Variants in INTS11 observed in about 807,000 individuals in gnomAD.
INTS11 encodes the protein integrator complex subunit 11.
In INTS11, 77 loss-of-function variants were observed where a neutral mutation model predicts 78.6. The observed-to-expected ratio is 0.98, with a 90% CI of 0.81 to 1.18. INTS11 has a LOEUF of 1.18. Among genes scored for constraint, INTS11 ranks in the 50% most tolerant of loss-of-function variants. The pLI is 0.00. For synonymous variants in INTS11, 441 were observed against 326.9 expected, an observed-to-expected ratio of 1.35 and a Z score of -3.77; for missense variants, 875 against 825.9, an observed-to-expected ratio of 1.06 and a Z score of -0.73.
chr1:1,313,379 C>A, intron 10 of INTS11, 130 bp downstream of exon 10: 3 of 1,089,210 alleles, frequency 2.8e-6, no homozygotes, highest in Admixed American at 4.0e-5. Context: ...CGCCCCCGTT[C>A]CCCAGCAGCA....
chr1:1,323,227 G>A lies in INTS11; in HGVS notation c.28+1354C>T, dbSNP rs1174604740. 4 of 1,550,230 alleles carry A rather than the reference G, an allele frequency of 2.6e-6. No individual in the cohort carries two copies. The South Asian group carries it at 4.8e-5, about 18-fold the overall frequency. ...TCCCGTCCTGGTGTCTGTGCTGGAA[G>A]GTGCCCTCGACCCCCTGCCCGGTGG... On this transcript the variant is annotated intron_variant, in intron 1 of 16. Transcript: ENST00000435064.
Position 1,319,410 on chromosome 1 carries a change from C to A in INTS11, c.315G>T (p.Glu105Asp), listed in dbSNP as rs1557641072. The A allele has an allele frequency of 1.2e-6, 2 of 1,613,330 alleles. No homozygotes were observed. Among genetic ancestry groups the A allele is most frequent in the Non-Finnish European group, 1.7e-6 (2 of 1,179,976 alleles). The change falls in exon 4 of 17, where the codon GAG becomes GAT. Residue 105 changes from glutamate to aspartate, a missense_variant. Glu to Asp is a conservative substitution (Grantham distance 45). Transcript: ENST00000435064. Reference protein sequence around the residue: ...PTQAICPILLEDYRKIAVDKK... With the variant: ...PTQAICPILLDDYRKIAVDKK... ...TGTCTACGGCGATCTTGCGGTAGTC[C>A]TCCAGCAAGATGGGGCAGATGGCCT...
In INTS11 at chr1:1,312,149, T is replaced by A. The variant is rs372959391; in HGVS notation, c.1608-2A>T. The A allele has an allele frequency of 6.8e-5, 101 of 1,476,290 alleles. No homozygotes were observed. Among genetic ancestry groups the A allele is most frequent in the Middle Eastern group, 4.5e-4 (2 of 4,490 alleles). The allele number at this position is 1,476,290 out of a possible 1,614,324, so 91.4% of individuals were successfully genotyped here. A position where few individuals can be genotyped will look rare whatever the true frequency, so the allele number is the denominator to read the frequency against. Reference sequence around the variant, plus strand: ...TGCACACAGTGGTCCTTCAGGACGCTGTGGGGAGGCTCGGTGAGACCCTGC... The same window carrying A: ...TGCACACAGTGGTCCTTCAGGACGCAGTGGGGAGGCTCGGTGAGACCCTGC... On this transcript the variant is annotated splice_acceptor_variant, in intron 15 of 16. Coordinates refer to ENST00000435064, the MANE Select transcript of INTS11 (RefSeq NM_017871.6). LOFTEE classifies it high-confidence loss of function.
rs1042289398 is a variant in INTS11, at chr1:1,312,030, G to A, written c.1725C>T (p.Ser575=). The A allele has an allele frequency of 1.1e-5, 17 of 1,576,622 alleles. No individual in the cohort carries two copies. The highest frequency in any genetic ancestry group is 1.3e-5 in the Non-Finnish European group (15 of 1,161,016). ...GGTCACCCCTTACCTGGTAGGTCCA[G>A]GAGACCAGCAGCACCTTGGTGCCTG... The part of the protein sequence containing the change: ...EDPGTKVLLV[S]WTYQDEELGS... Residue 575 remains serine (S), a synonymous_variant, in exon 16 of 17, where the codon TCC becomes TCT. Transcript: ENST00000435064.
At chr1:1,323,021 G>A (rs1643053874) in intron 1 of INTS11, 3 of 1,404,100 alleles carry the variant, frequency 2.1e-6, no homozygotes, top group Middle Eastern at 2.6e-4. Context: ...AATGGGAAAG[G>A]GGCAGGCTGG....
intron 10 of INTS11, 133 bp downstream of exon 10, chr1:1,313,376 G>A (rs373477372): frequency 3.9e-5 from 42 of 1,072,862 alleles, no homozygotes; most frequent in African/African-American, 1.2e-4. Flanking sequence ...CATCGCCCCC[G>A]TTCCCCAGCA....
intron 1 of INTS11, 85 bp from the exon 2 acceptor site, chr1:1,321,178 T>C (rs1642925824): frequency 9.3e-7 from 1 of 1,072,230 alleles, no homozygotes; most frequent in Non-Finnish European, 1.4e-6. Flanking sequence ...CCCAGTGCAC[T>C]GAGGAAACCG....
At chr1:1,322,057 A>ACCCT in intron 1 of INTS11, 1 of 1,031,668 alleles carries the variant, frequency 9.7e-7, no homozygotes, top group Non-Finnish European at 1.3e-6. Context: ...GCTCTCTGAG[A>ACCCT]GCAGGGTCTC....
At chr1:1,321,155 A>C (rs908916233) in intron 1 of INTS11, 62 bp from the exon 2 acceptor site, 2 of 1,332,656 alleles carry the variant, frequency 1.5e-6, no homozygotes, top group Non-Finnish European at 2.1e-6. Context: ...TGCCTCCCCA[A>C]GCTCTGCAGG....
intron 2 of INTS11, 163 bp from the exon 3 acceptor site, chr1:1,320,692 G>T: frequency 1.3e-6 from 1 of 779,578 alleles, no homozygotes; most frequent in South Asian, 1.4e-5. Flanking sequence ...GCTGCTCACA[G>T]CATCCGGAGG....
rs1642439553 is a variant in INTS11, at chr1:1,314,335, C to T, written c.733G>A (p.Ala245Thr). Residue 245 changes from alanine (A) to threonine (T), a missense_variant, in exon 8 of 17, where the codon GCC becomes ACC. Coordinates refer to ENST00000435064, the MANE Select transcript of INTS11 (RefSeq NM_017871.6). This position sits in a 1 kb window ranked among gnomAD's most constrained non-coding sequence, Gnocchi z 4.2. Reference sequence around the variant, plus strand: ...TCCAGGAGGATGCAGAGCTCCTGGGCGCGGCCCAGCGCGAACACAGGTATC... The same window carrying T: ...TCCAGGAGGATGCAGAGCTCCTGGGTGCGGCCCAGCGCGAACACAGGTATC... ...VLIPVFALGR[A>T]QELCILLETF... is the part of the protein sequence containing the mutation. 2 of 1,606,902 alleles carry T rather than the reference C, an allele frequency of 1.2e-6. No individual in the cohort carries two copies. The highest frequency in any genetic ancestry group is 1.3e-5 in the African/African-American group (1 of 75,002).
intron 1 of INTS11, among the ~76,000 whole-genome samples, chr1:1,322,401 G>C (rs892154879): frequency 6.7e-6 from 1 of 149,706 alleles, no homozygotes; most frequent in East Asian, 2.0e-4. Context: ...GGAGACAGAC[G>C]GCAGACAAAC....
intron 3 of INTS11, chr1:1,320,251 A>G: frequency 5.2e-6 from 3 of 579,114 alleles, no homozygotes; most frequent in Non-Finnish European, 9.3e-6. Context: ...AGTAGGGTTC[A>G]GAGGGCAGGG....
At chr1:1,318,943 C>G in intron 4 of INTS11, 1 of 717,182 alleles carries the variant, frequency 1.4e-6, no homozygotes. Context: ...CCTCCCTGCC[C>G]GGCAACACCC....
chr1:1,317,236 A>AAT (rs1642668878), intron 4 of INTS11: 1 of 151,978 alleles, frequency 6.6e-6, no homozygotes, highest in South Asian at 2.1e-4. Context: ...ACTAAAAAAA[A>AAT]ATACAAAATT....
intron 14 of INTS11, 31 bp downstream of exon 14, chr1:1,312,409 T>TC (rs1237923536): frequency 2.6e-6 from 4 of 1,564,470 alleles, no homozygotes; most frequent in Non-Finnish European, 3.5e-6. Context: ...GCAGCGGCCC[T>TC]CCCCCCTCCA....
intron 1 of INTS11, chr1:1,322,027 C>A: frequency 8.0e-7 from 1 of 1,252,224 alleles, no homozygotes; most frequent in South Asian, 2.3e-5. Context: ...CAGGCCTGTT[C>A]CTGCCCCCGC....
At chr1:1,313,324 G>C in intron 10 of INTS11, 185 bp downstream of exon 10, 2 of 883,186 alleles carry the variant, frequency 2.3e-6, no homozygotes, top group East Asian at 2.6e-5. Flanking sequence ...TCTGCCCGAG[G>C]TGGACAAGCT....
chr1:1,320,597 C>T (rs1642886231), intron 2 of INTS11, 68 bp from the exon 3 acceptor site: 20 of 1,530,394 alleles, frequency 1.3e-5, no homozygotes, highest in Non-Finnish European at 1.8e-5. Context: ...CACCCATGCC[C>T]CAGGGAGGGG....
Sources: allele counts gnomAD v4.1 joint callset (sites outside exome capture counted in the v4.1 genomes callset), GRCh38; gene constraint gnomAD v4.1.1; non-coding constraint Gnocchi (gnomAD v3.1); transcripts MANE v1.5; gene names NCBI Gene and HGNC (gene_info 2026-07-23, HGNC 2026-07-21).